The following FAT3 variants were observed in gnomAD, a reference collection of about 807,000 sequenced individuals.
FAT3 encodes the protein FAT atypical cadherin 3.
A neutral mutation model predicts 310.2 loss-of-function variants in FAT3; 95 were observed. The observed-to-expected ratio is 0.31, with a 90% CI of 0.26 to 0.36. FAT3 has a LOEUF of 0.36. Among genes scored for constraint, FAT3 ranks in the 10% least tolerant of loss-of-function variants. The probability of loss-of-function intolerance (pLI) is 1.00; values close to 1 mark genes in which losing one functional copy is unlikely to be tolerated. For missense variants in FAT3, 5,408 were observed against 5,715.6 expected (o/e 0.95, Z 1.74); for synonymous variants, 2,314 against 2,192.9 (o/e 1.06, Z -1.54).
chr11:92,861,434 A>C (rs531732965), intron 21 of FAT3, among the ~76,000 whole-genome samples: 1 of 152,366 alleles, frequency 6.6e-6, no homozygotes, highest in East Asian at 1.9e-4. Context: ...AGAATAATTA[A>C]GCCTTTTAGG....
intron 3 of FAT3, among the ~76,000 whole-genome samples, chr11:92,669,533 C>T (rs1335312427): frequency 2.0e-5 from 3 of 152,186 alleles, no homozygotes; most frequent in Non-Finnish European, 4.4e-5. Flanking sequence ...TCTGGTCTGT[C>T]CTACCCAGAA....
intron 2 of FAT3, among the ~76,000 whole-genome samples, chr11:92,438,835 A>G (rs1210895084): frequency 6.6e-6 from 1 of 152,184 alleles, no homozygotes; most frequent in African/African-American, 2.4e-5. Flanking sequence ...TTGGACTCCA[A>G]GTTGAAAGTA....
intron 1 of FAT3, among the ~76,000 whole-genome samples, chr11:92,294,006 T>C (rs1167841528): frequency 6.6e-6 from 1 of 152,000 alleles, no homozygotes; most frequent in Non-Finnish European, 1.5e-5. Flanking sequence ...ATCTTAGTCA[T>C]CTTGGGCTGC....
intron 3 of FAT3, among the ~76,000 whole-genome samples, chr11:92,625,220 A>G (rs1001897932): frequency 3.3e-5 from 5 of 152,138 alleles, no homozygotes. Context: ...TTATAGTATT[A>G]TGGCCCAATA....
intron 15 of FAT3, among the ~76,000 whole-genome samples, chr11:92,835,995 T>C (rs1948396713): frequency 6.6e-6 from 1 of 152,158 alleles, no homozygotes; most frequent in Non-Finnish European, 1.5e-5. Context: ...GGAGCCGCTC[T>C]CTGCTGGAGG....
At chr11:92,761,396 G>C (rs1946147665) in intron 4 of FAT3, among the ~76,000 whole-genome samples, 1 of 152,168 alleles carries the variant, frequency 6.6e-6, no homozygotes, top group Non-Finnish European at 1.5e-5. Context: ...TTGGAAATTA[G>C]GTTTTAACAT....
intron 3 of FAT3, among the ~76,000 whole-genome samples, chr11:92,565,047 T>C (rs1263768239): frequency 2.8e-5 from 4 of 143,596 alleles, no homozygotes; most frequent in Non-Finnish European, 6.1e-5. Context: ...AGAGCAGAAC[T>C]GAAGGAAATA....
At chr11:92,548,028 A>G (rs1954671389) in intron 3 of FAT3, among the ~76,000 whole-genome samples, 2 of 152,154 alleles carry the variant, frequency 1.3e-5, no homozygotes, top group African/African-American at 4.8e-5. Flanking sequence ...TAGCTTGAGC[A>G]CTTGATTTAT....
rs376942444 is a variant in FAT3 at position 92,806,397 on chromosome 11, A to G, written c.9129A>G (p.Pro3043=). ...AYTALLPEDI[P]SNKIILKVSA... is the part of the protein sequence containing the mutation. ...CAGCATTACTTCCTGAAGACATTCC[A>G]TCAAATAAAATCATCCTGAAAGTCA... Residue 3043 remains proline, a synonymous_variant, in exon 12 of 28, where the codon CCA becomes CCG. Coordinates refer to ENST00000525166, the MANE Select transcript of FAT3 (RefSeq NM_001367949.2). 4 of 1,598,132 alleles carry G rather than the reference A, an allele frequency of 2.5e-6. No individual in the cohort carries two copies. The highest frequency in any genetic ancestry group is 2.7e-5 in the African/African-American group (2 of 74,820).
intron 1 of FAT3, among the ~76,000 whole-genome samples, chr11:92,239,395 G>A (rs1864574262): frequency 6.6e-6 from 1 of 152,066 alleles, no homozygotes; most frequent in South Asian, 2.1e-4. Context: ...TAAAACTTGA[G>A]TGTGCACCTA....
intron 2 of FAT3, among the ~76,000 whole-genome samples, chr11:92,522,102 T>G (rs1415354781): frequency 6.6e-6 from 1 of 152,154 alleles, no homozygotes; most frequent in Non-Finnish European, 1.5e-5. Flanking sequence ...AGAGGTGCCT[T>G]GCAGAGACTG....
intron 1 of FAT3, among the ~76,000 whole-genome samples, chr11:92,237,576 C>T (rs1864484287): frequency 6.6e-6 from 1 of 152,134 alleles, no homozygotes; most frequent in African/African-American, 2.4e-5. Context: ...GGAATTCCAG[C>T]ATGTTTTAAT....
intron 4 of FAT3, among the ~76,000 whole-genome samples, chr11:92,732,267 A>G: frequency 6.6e-6 from 1 of 152,338 alleles, no homozygotes; most frequent in South Asian, 2.1e-4. Flanking sequence ...ATCTATTTAT[A>G]GAAAGATCAA....
intron 6 of FAT3, among the ~76,000 whole-genome samples, chr11:92,773,795 A>G (rs1946522545): frequency 6.6e-6 from 1 of 152,162 alleles, no homozygotes. Context: ...CTCTAACATT[A>G]CTGCTGAGGT....
chr11:92,619,762 C>T (rs1247626534), intron 3 of FAT3, among the ~76,000 whole-genome samples: 2 of 151,848 alleles, frequency 1.3e-5, no homozygotes, highest in Non-Finnish European at 2.9e-5. Context: ...TTCTTGATCA[C>T]TCTAGCTCAA....
At chr11:92,344,941 G>A (rs1265536520) in intron 1 of FAT3, among the ~76,000 whole-genome samples, 1 of 152,124 alleles carries the variant, frequency 6.6e-6, no homozygotes, top group Non-Finnish European at 1.5e-5. Context: ...GGTGACTCAG[G>A]ATGGGAGATG....
chr11:92,369,697 A>G (rs910606319), intron 2 of FAT3, among the ~76,000 whole-genome samples: 7 of 152,092 alleles, frequency 4.6e-5, no homozygotes, highest in African/African-American at 1.7e-4. Flanking sequence ...AAATACAAAA[A>G]TTAGCTAGGT....
At chr11:92,724,487 G>C (rs1423298995) in intron 4 of FAT3, among the ~76,000 whole-genome samples, 1 of 152,166 alleles carries the variant, frequency 6.6e-6, no homozygotes, top group African/African-American at 2.4e-5. Flanking sequence ...GATATTTTTA[G>C]AGTCAATTTC....
chr11:92,530,306 A>G (rs527940082), intron 3 of FAT3, among the ~76,000 whole-genome samples: 1 of 152,212 alleles, frequency 6.6e-6, no homozygotes, highest in Admixed American at 6.5e-5. Context: ...GGTGATGATG[A>G]TGTTGCTCTC....
Sources: gnomAD v4.1 joint callset for allele counts (sites outside exome capture counted in the v4.1 genomes callset) on GRCh38, gnomAD v4.1.1 for gene constraint, MANE v1.5 for transcripts, NCBI Gene and HGNC (gene_info 2026-07-23, HGNC 2026-07-21) for gene names.